HIPK2: variants seen among roughly 807,000 people sequenced by gnomAD.
HIPK2 encodes the protein homeodomain-interacting protein kinase 2.
Under a neutral mutation model 113.7 loss-of-function variants are expected in HIPK2, and 27 were observed. That is an observed-to-expected ratio of 0.24 (90% CI 0.17 to 0.33). The LOEUF is 0.33. HIPK2 is among the 10% of genes least tolerant of loss of function. The pLI is 1.00. For synonymous variants in HIPK2, 631 were observed against 642.2 expected, an observed-to-expected ratio of 0.98 and a Z score of 0.26; for missense variants, 1,257 against 1,588.0, an observed-to-expected ratio of 0.79 and a Z score of 3.54.
At chr7:139,600,345 C>T in intron 11 of HIPK2, 72 bp downstream of exon 11, 3 of 1,529,714 alleles carry the variant, frequency 2.0e-6, no homozygotes, top group Non-Finnish European at 2.7e-6. Context: ...TGCTGATACT[C>T]CCTAAACTAC....
intron 1 of HIPK2, among the ~76,000 whole-genome samples, chr7:139,731,929 G>A (rs1370586727): frequency 6.6e-6 from 1 of 152,076 alleles, no homozygotes. Flanking sequence ...CTTCGGGAAA[G>A]GTACCACCTC....
intron 2 of HIPK2, among the ~76,000 whole-genome samples, chr7:139,668,899 CAT>C (rs1802158524): frequency 6.6e-6 from 1 of 152,214 alleles, no homozygotes; most frequent in Non-Finnish European, 1.5e-5. Context: ...CAATTATTTA[CAT>C]GATTGGCTTT....
rs577144961 is a variant in HIPK2, at chr7:139,591,503, T to A, written c.2717+5214A>T. On this transcript the variant is annotated intron_variant, in intron 12 of 14. Coordinates refer to ENST00000406875, the MANE Select transcript of HIPK2 (RefSeq NM_022740.5). ...CACCCCTCTTCCTCCTTCTTCCCTG[T>A]GGAAAGCAAGGAGCAAACCAGGAAG... Among the ~76,000 whole-genome samples the A allele has an allele frequency of 9.2e-5, 14 of 152,248 alleles. No homozygotes were observed. The South Asian group carries it at 2.9e-3, about 32-fold the overall frequency.
intron 2 of HIPK2, among the ~76,000 whole-genome samples, chr7:139,639,898 G>T (rs191232863): frequency 2.0e-4 from 31 of 152,218 alleles, no homozygotes; most frequent in African/African-American, 7.0e-4. Context: ...AGTTTACATG[G>T]TTTTTTGGGT....
intron 2 of HIPK2, among the ~76,000 whole-genome samples, chr7:139,687,935 G>C (rs758383748): frequency 3.3e-5 from 5 of 152,218 alleles, no homozygotes; most frequent in Non-Finnish European, 7.3e-5. Context: ...AGATCCTTGG[G>C]AAGAACCAGA....
At position 139,561,700 on chromosome 7, in the gene HIPK2, T is replaced by G. The variant is rs966575329; in HGVS notation, c.*11227A>C. On this transcript the variant is annotated 3_prime_UTR_variant, in exon 15 of 15. Coordinates refer to ENST00000406875, the MANE Select transcript of HIPK2 (RefSeq NM_022740.5). ...CATTTCACCTCGGAGACCGAAAAAA[T>G]GATCAAAAAGAAACTATGAGTAACA... 1.3e-5 allele frequency: 2 copies of G among 151,600 alleles called. No homozygotes were observed. Among genetic ancestry groups the G allele is most frequent in the Admixed American group, 1.3e-4 (2 of 15,226 alleles). The allele number at this position is 151,600 out of a possible 1,614,324, so 9.4% of individuals were successfully genotyped here.
intron 2 of HIPK2, among the ~76,000 whole-genome samples, chr7:139,653,663 C>T (rs1261947145): frequency 6.6e-6 from 1 of 151,792 alleles, no homozygotes; most frequent in African/African-American, 2.4e-5. Context: ...GAAGATTTTC[C>T]ACTTGTACAA....
At chr7:139,708,927 T>C (rs1794986718) in intron 2 of HIPK2, among the ~76,000 whole-genome samples, 1 of 152,044 alleles carries the variant, frequency 6.6e-6, no homozygotes, top group African/African-American at 2.4e-5. Context: ...TGTGCACCTG[T>C]GTGTGTGTGA....
chr7:139,728,953 T>C (rs1795677058), intron 1 of HIPK2, among the ~76,000 whole-genome samples: 1 of 152,196 alleles, frequency 6.6e-6, no homozygotes, highest in South Asian at 2.1e-4. Context: ...GAGTTGATGT[T>C]ACAACGCTTC....
At chr7:139,590,446 G>A (rs914189356) in intron 12 of HIPK2, among the ~76,000 whole-genome samples, 2 of 152,140 alleles carry the variant, frequency 1.3e-5, no homozygotes, top group Non-Finnish European at 2.9e-5. Context: ...GGTCTTATCT[G>A]GAATGTGTCT....
intron 2 of HIPK2, among the ~76,000 whole-genome samples, chr7:139,693,814 A>G (rs1315106067): frequency 6.6e-6 from 1 of 152,214 alleles, no homozygotes; most frequent in Non-Finnish European, 1.5e-5. Flanking sequence ...TTATTCTCCA[A>G]TAATGTGTGA....
At chr7:139,676,647 C>T (rs73469924) in intron 2 of HIPK2, among the ~76,000 whole-genome samples, 12,614 of 152,138 alleles carry the variant, frequency 0.083, 651 homozygotes, top group African/African-American at 0.15. Flanking sequence ...CCCCCTTCTT[C>T]CAACATGCCA....
chr7:139,707,701 C>T (rs936677859), intron 2 of HIPK2, among the ~76,000 whole-genome samples: 9 of 152,206 alleles, frequency 5.9e-5, no homozygotes, highest in Admixed American at 5.2e-4. Context: ...CAGCACAACA[C>T]AGTGTATGGC....
intron 2 of HIPK2, among the ~76,000 whole-genome samples, chr7:139,686,530 C>T (rs546909499): frequency 1.2e-4 from 19 of 152,286 alleles, no homozygotes; most frequent in African/African-American, 4.6e-4. Flanking sequence ...ATGCTGTTCT[C>T]ATGACAGTGA....
intron 2 of HIPK2, among the ~76,000 whole-genome samples, chr7:139,655,459 G>A (rs368511660): frequency 1.8e-4 from 28 of 152,336 alleles, no homozygotes; most frequent in African/African-American, 6.0e-4. Context: ...GACAGAAGGC[G>A]TGTGGGAACC....
intron 2 of HIPK2, among the ~76,000 whole-genome samples, chr7:139,660,958 G>A (rs563239387): frequency 4.1e-5 from 6 of 147,964 alleles, no homozygotes; most frequent in South Asian, 2.1e-4. Flanking sequence ...TCCCACACCC[G>A]TCTGCTCTTC....
rs1214044934 is a variant in HIPK2, at chr7:139,614,359, T to C, written c.1917A>G (p.Thr639=). 6.3e-7 allele frequency: 1 copy of C among 1,585,422 alleles called. No individual in the cohort carries two copies. Among genetic ancestry groups the C allele is most frequent in the East Asian group, 2.3e-5 (1 of 43,456 alleles). Reference sequence around the variant, plus strand: ...GCCGGGCACAAATCTGGGCTGTTCCTGTCTGCAGGGGCATGCTCCGCTGGG... The same window carrying C: ...GCCGGGCACAAATCTGGGCTGTTCCCGTCTGCAGGGGCATGCTCCGCTGGG... ...AVAQRSMPLQ[T]GTAQICARPD... is the part of the protein sequence containing the mutation. The change falls in exon 8 of 15, where the codon ACA becomes ACG. Residue 639 remains threonine, a synonymous_variant. Transcript: ENST00000406875.
At chr7:139,648,010 T>C (rs1199197099) in intron 2 of HIPK2, among the ~76,000 whole-genome samples, 2 of 152,170 alleles carry the variant, frequency 1.3e-5, no homozygotes, top group African/African-American at 4.8e-5. Context: ...AGAACCTATA[T>C]TTGCTTCCCA....
chr7:139,758,847 G>A (rs905101296), intron 1 of HIPK2, among the ~76,000 whole-genome samples: 1 of 151,924 alleles, frequency 6.6e-6, no homozygotes, highest in Non-Finnish European at 1.5e-5. Flanking sequence ...GTACCAAGAT[G>A]TAAACAGAAA....
Sources: gnomAD v4.1 joint callset for allele counts (sites outside exome capture counted in the v4.1 genomes callset) on GRCh38, gnomAD v4.1.1 for gene constraint, MANE v1.5 for transcripts, NCBI Gene and HGNC (gene_info 2026-07-23, HGNC 2026-07-21) for gene names.